Variants in AMOT observed in about 807,000 individuals in gnomAD.
AMOT encodes angiomotin.
A neutral mutation model predicts 67.0 loss-of-function variants in AMOT; 11 were observed. That is an observed-to-expected ratio of 0.16 (90% CI 0.10 to 0.27). The LOEUF (loss-of-function observed/expected upper bound fraction) is 0.27, where lower values mean the gene tolerates loss of function less well. Ranked by LOEUF, AMOT falls within the 10% of genes least tolerant of loss-of-function variation. The pLI is 1.00. For missense variants in AMOT, 753 were observed against 852.0 expected, an observed-to-expected ratio of 0.88 and a Z score of 1.45; for synonymous variants, 326 against 321.4, an observed-to-expected ratio of 1.01 and a Z score of -0.15.
chrX:112,838,546 A>G (rs770499482), intron 1 of AMOT, among the ~76,000 whole-genome samples: 74 of 112,220 alleles, frequency 6.6e-4, no homozygotes, highest in African/African-American at 2.4e-3. Context: ...AGTCTTTACA[A>G]AACCTCAGAA....
Position 112,822,560 on chromosome X carries a change from C to T in AMOT, c.567G>A (p.Lys189=). The T allele has an allele frequency of 1.7e-6, 2 of 1,167,591 alleles. No homozygotes were observed. The highest frequency in any genetic ancestry group is 3.8e-5 in the South Asian group (2 of 52,676). Residue 189 remains lysine, a synonymous_variant, in exon 4 of 14, where the codon AAG becomes AAA. Coordinates refer to ENST00000371959, the MANE Select transcript of AMOT (RefSeq NM_001113490.2). ...MQMSLATSGV[K]AHPPVTSAPL... ...GAGCACTGGTAACAGGTGGATGGGC[C>T]TTAACTCCACTGGTGGCCAGTGACA...
At chrX:112,798,431 G>A (rs1266438069) in intron 8 of AMOT, among the ~76,000 whole-genome samples, 3 of 112,349 alleles carry the variant, frequency 2.7e-5, no homozygotes, top group Non-Finnish European at 5.6e-5. Context: ...TTCTACAAAT[G>A]AGAGCAGGAG....
intron 7 of AMOT, among the ~76,000 whole-genome samples, chrX:112,807,470 C>A (rs1934228514): frequency 1.8e-5 from 2 of 108,956 alleles, no homozygotes; most frequent in South Asian, 8.4e-4. Context: ...GAACCAGACC[C>A]CGAGATAAGG....
chrX:112,808,594 A>G (rs73636625), intron 7 of AMOT, among the ~76,000 whole-genome samples: 1,654 of 112,088 alleles, frequency 0.015, 38 homozygotes, highest in African/African-American at 0.052. Context: ...CCTGCCGGTA[A>G]TACCGTCTGA....
chrX:112,833,529 T>C (rs1189280940), intron 1 of AMOT, among the ~76,000 whole-genome samples: 1 of 103,227 alleles, frequency 9.7e-6, no homozygotes, highest in Non-Finnish European at 1.9e-5. Flanking sequence ...CTGTTTGCTT[T>C]TTAAAAAAAC....
In AMOT at chrX:112,775,460, T is replaced by G. The variant is rs1004863931; in HGVS notation, c.*3107A>C. The G allele has an allele frequency of 7.1e-5, 8 of 112,030 alleles. No individual in the cohort carries two copies. Among genetic ancestry groups the G allele is most frequent in the Non-Finnish European group, 1.5e-4 (8 of 53,167 alleles). 9.2% of individuals were successfully genotyped at this position (112,030 alleles called of 1,213,427 possible). On this transcript the variant is annotated 3_prime_UTR_variant, in exon 14 of 14. Transcript: ENST00000371959. Reference sequence around the variant, plus strand: ...CATAAAAAGTAGTTTGCACAATCAATCAGTTTGTTCATTTTCCAATTGTTA... The same window carrying G: ...CATAAAAAGTAGTTTGCACAATCAAGCAGTTTGTTCATTTTCCAATTGTTA...
rs1934013249 is a variant in AMOT at position 112,801,413 on chromosome X, C to T, written c.1776+3534G>A. ...TACTGCAATAGGGGCACAGGGTACA[C>T]GCTGGTTCAAGGCCTGGATCAGAGT... is the stretch of plus-strand genomic sequence containing the variant. On this transcript the variant is annotated intron_variant, in intron 8 of 13. Transcript: ENST00000371959. Among the ~76,000 whole-genome samples the T allele has an allele frequency of 2.7e-5, 3 of 111,361 alleles. No homozygotes were observed. In the Admixed American group the frequency reaches 2.9e-4, roughly 11 times the overall value.
chrX:112,826,810 C>A (rs763369694), intron 2 of AMOT, among the ~76,000 whole-genome samples: 1 of 111,978 alleles, frequency 8.9e-6, no homozygotes, highest in Non-Finnish European at 1.9e-5. Flanking sequence ...TTTTCTCGTG[C>A]AAGGTCTTAC....
intron 8 of AMOT, among the ~76,000 whole-genome samples, chrX:112,800,630 T>C (rs1933985106): frequency 8.9e-6 from 1 of 112,492 alleles, no homozygotes; most frequent in Non-Finnish European, 1.9e-5. Context: ...AAATTGGTTA[T>C]GATGCTTTGT....
chrX:112,790,832 G>T, intron 9 of AMOT, 50 bp from the exon 10 acceptor site: 1 of 1,061,261 alleles, frequency 9.4e-7, no homozygotes, highest in Non-Finnish European at 1.2e-6. Flanking sequence ...GAAGAACCAT[G>T]GTGTCTGAGC....
At chrX:112,797,865 AAAG>A (rs1035223720) in intron 8 of AMOT, among the ~76,000 whole-genome samples, 2 of 109,791 alleles carry the variant, frequency 1.8e-5, no homozygotes, top group African/African-American at 6.6e-5. Context: ...GAAAAAAAGA[AAAG>A]AAATAGAAAG....
intron 10 of AMOT, among the ~76,000 whole-genome samples, chrX:112,785,711 A>C (rs1933344161): frequency 1.8e-5 from 2 of 112,231 alleles, no homozygotes. Flanking sequence ...AATCAGGCAG[A>C]CCAGTCAGCA....
chrX:112,839,845 A>G (rs1391388402), intron 1 of AMOT, among the ~76,000 whole-genome samples: 1 of 110,882 alleles, frequency 9.0e-6, no homozygotes, highest in Non-Finnish European at 1.9e-5. Flanking sequence ...AAAACTATTT[A>G]CTAACATCTT....
chrX:112,833,815 T>C (rs765418940), intron 1 of AMOT, among the ~76,000 whole-genome samples: 123 of 110,989 alleles, frequency 1.1e-3, no homozygotes, highest in Non-Finnish European at 1.9e-3. Flanking sequence ...AGGAATTAGG[T>C]TTCTTCAAAA....
intron 10 of AMOT, among the ~76,000 whole-genome samples, chrX:112,787,594 A>G (rs1424013839): frequency 8.9e-6 from 1 of 111,780 alleles, no homozygotes; most frequent in Non-Finnish European, 1.9e-5. Context: ...TGGTTACACT[A>G]TTGTATACAA....
rs1216676783 is a variant in AMOT, at chrX:112,822,420, C to T, written c.707G>A (p.Arg236Gln). The change falls in exon 4 of 14, where the codon CGA becomes CAA. Residue 236 changes from arginine to glutamine, a missense_variant. By Grantham distance (43) the Arg-to-Gln change is conservative. This residue lies in a region of AMOT where 297 missense variants were observed against 284.3 expected (regional missense o/e 1.04). Transcript: ENST00000371959. ...GAAGGGATATTCTGGTGGGGGGCCTCGGTGTTCCATGCCCTTCAGGCTATG... is the reference window on the plus strand; with the variant it reads ...GAAGGGATATTCTGGTGGGGGGCCTTGGTGTTCCATGCCCTTCAGGCTATG... ...NQHSLKGMEH[R>Q]GPPPEYPFKG... The T allele has an allele frequency of 1.7e-6, 2 of 1,165,942 alleles. No homozygotes were observed. The highest frequency in any genetic ancestry group is 3.3e-5 in the East Asian group (1 of 30,683).
At chrX:112,833,481 G>A (rs184933076) in intron 1 of AMOT, among the ~76,000 whole-genome samples, 976 of 86,439 alleles carry the variant, frequency 0.011, 18 homozygotes, top group African/African-American at 0.039. Flanking sequence ...GGAGTAAAGG[G>A]GGGGGGGGGG....
At chrX:112,802,213 A>G (rs1934037859) in intron 8 of AMOT, among the ~76,000 whole-genome samples, 1 of 112,381 alleles carries the variant, frequency 8.9e-6, no homozygotes, top group Non-Finnish European at 1.9e-5. Context: ...TACCTCCCTG[A>G]TGATGTTCCA....
At chrX:112,830,428 C>G (rs1934958876) in intron 2 of AMOT, among the ~76,000 whole-genome samples, 1 of 112,606 alleles carries the variant, frequency 8.9e-6, no homozygotes, top group African/African-American at 3.2e-5. Flanking sequence ...ACAAAAACAT[C>G]TTTGTGATTT....
Sources: gnomAD v4.1 joint callset for allele counts (sites outside exome capture counted in the v4.1 genomes callset) on GRCh38, gnomAD v4.1.1 for gene constraint, gnomAD v4.1.1 regional missense constraint, MANE v1.5 for transcripts, NCBI Gene and HGNC (gene_info 2026-07-23, HGNC 2026-07-21) for gene names.